Variants in PDE3A observed in about 807,000 individuals in gnomAD.
PDE3A encodes phosphodiesterase 3A, also known as cGMP-inhibited 3',5'-cyclic phosphodiesterase 3A.
PDE3A carries 43 observed loss-of-function variants against 98.3 expected under a neutral mutation model. That is an observed-to-expected ratio of 0.44 (90% CI 0.34 to 0.56). PDE3A has a LOEUF of 0.56. PDE3A is among the 20% of genes least tolerant of loss of function. The pLI, the probability that PDE3A is intolerant of heterozygous loss-of-function variation, is 0.01. For missense variants in PDE3A, 1,427 were observed against 1,440.7 expected, an observed-to-expected ratio of 0.99 and a Z score of 0.15; for synonymous variants, 663 against 567.9, an observed-to-expected ratio of 1.17 and a Z score of -2.38.
At chr12:20,629,336 T>G (rs559573581) in intron 5 of PDE3A, among the ~76,000 whole-genome samples, 1 of 152,166 alleles carries the variant, frequency 6.6e-6, no homozygotes, top group Admixed American at 6.5e-5. Flanking sequence ...TCTTCAAAAA[T>G]TATTTTGATC....
At chr12:20,497,861 A>G (rs7316700) in intron 1 of PDE3A, among the ~76,000 whole-genome samples, 42,390 of 151,892 alleles carry the variant, frequency 0.28, 6,889 homozygotes, top group East Asian at 0.55. Flanking sequence ...GTTCTGTTCA[A>G]TTGTGTTAGT....
chr12:20,472,144 T>A (rs1945450275), intron 1 of PDE3A, among the ~76,000 whole-genome samples: 1 of 152,130 alleles, frequency 6.6e-6, no homozygotes, highest in Non-Finnish European at 1.5e-5. Context: ...ATACAGTGGA[T>A]CAGAGTTGGG....
chr12:20,611,183 T>C (rs1410865253), intron 2 of PDE3A, among the ~76,000 whole-genome samples: 1 of 151,200 alleles, frequency 6.6e-6, no homozygotes, highest in Non-Finnish European at 1.5e-5. Flanking sequence ...ATTTTTAAAA[T>C]AAGTAAATAA....
At chr12:20,580,183 G>A (rs1349387788) in intron 2 of PDE3A, among the ~76,000 whole-genome samples, 1 of 152,088 alleles carries the variant, frequency 6.6e-6, no homozygotes, top group Non-Finnish European at 1.5e-5. Context: ...CACCTCTTAG[G>A]GGATTCTGTG....
intron 1 of PDE3A, among the ~76,000 whole-genome samples, chr12:20,476,558 T>C (rs960883922): frequency 6.6e-6 from 1 of 152,224 alleles, no homozygotes; most frequent in Non-Finnish European, 1.5e-5. Context: ...ATAGTTAGTG[T>C]GTCTTGATTA....
At chr12:20,385,560 C>T (rs567766913) in intron 1 of PDE3A, among the ~76,000 whole-genome samples, 50 of 151,890 alleles carry the variant, frequency 3.3e-4, no homozygotes, top group Admixed American at 1.1e-3. Flanking sequence ...CAATGATAGA[C>T]TGGATTAAGA....
At chr12:20,617,358 T>A (rs1405198495) in intron 4 of PDE3A, among the ~76,000 whole-genome samples, 2 of 152,172 alleles carry the variant, frequency 1.3e-5, no homozygotes, top group Admixed American at 1.3e-4. Context: ...TTCTAAGACA[T>A]CTATAGAATT....
At chr12:20,674,495 A>T (rs1287856593) in intron 15 of PDE3A, among the ~76,000 whole-genome samples, 1 of 152,158 alleles carries the variant, frequency 6.6e-6, no homozygotes, top group Admixed American at 6.6e-5. Context: ...TTTTATCATG[A>T]AGTGATGTTG....
At chr12:20,569,544 C>CTATT (rs1160102758) in intron 2 of PDE3A, among the ~76,000 whole-genome samples, 1 of 151,992 alleles carries the variant, frequency 6.6e-6, no homozygotes, top group Non-Finnish European at 1.5e-5. Context: ...AGGCATTACC[C>CTATT]TATTTAATAT....
intron 2 of PDE3A, among the ~76,000 whole-genome samples, chr12:20,592,846 G>C (rs927700103): frequency 1.3e-5 from 2 of 152,146 alleles, no homozygotes; most frequent in South Asian, 4.1e-4. Context: ...TTTTCAGACC[G>C]ATTAGAATAA....
At chr12:20,627,155 A>AC (rs1944282782) in intron 5 of PDE3A, among the ~76,000 whole-genome samples, 1 of 151,328 alleles carries the variant, frequency 6.6e-6, no homozygotes, top group African/African-American at 2.4e-5. Context: ...TAAAAAAAAA[A>AC]AAAAAAAAAC....
intron 14 of PDE3A, 124 bp downstream of exon 14, chr12:20,650,724 T>C (rs1412466525): frequency 5.9e-6 from 3 of 511,694 alleles, no homozygotes; most frequent in Admixed American, 7.2e-5. Context: ...TGTCAGAAAA[T>C]GCACTGGTCA....
intron 1 of PDE3A, among the ~76,000 whole-genome samples, chr12:20,490,728 C>G (rs1390914320): frequency 6.6e-6 from 1 of 152,188 alleles, no homozygotes; most frequent in Non-Finnish European, 1.5e-5. Flanking sequence ...TAATATTAAA[C>G]ATTTCTTTCT....
chr12:20,584,522 G>T (rs1442872678), intron 2 of PDE3A, among the ~76,000 whole-genome samples: 2 of 151,972 alleles, frequency 1.3e-5, no homozygotes, highest in Non-Finnish European at 2.9e-5. Flanking sequence ...TTTTCCTTGG[G>T]GGTTGGCAAC....
chr12:20,596,924 T>C (rs1005067729), intron 2 of PDE3A, among the ~76,000 whole-genome samples: 6 of 152,170 alleles, frequency 3.9e-5, no homozygotes, highest in African/African-American at 1.4e-4. Flanking sequence ...TTTCATATCA[T>C]TGAAGGTAAA....
At chr12:20,489,679 T>C (rs896957265) in intron 1 of PDE3A, among the ~76,000 whole-genome samples, 1 of 152,208 alleles carries the variant, frequency 6.6e-6, no homozygotes, top group African/African-American at 2.4e-5. Flanking sequence ...ATCCCCTTTT[T>C]TGCCTCACCT....
intron 1 of PDE3A, among the ~76,000 whole-genome samples, chr12:20,390,458 A>AAG (rs1943892727): frequency 3.2e-5 from 1 of 30,854 alleles, no homozygotes; most frequent in Non-Finnish European, 7.5e-5. Context: ...GTGATTTAAG[A>AAG]AAAAAAAAAA....
chr12:20,496,536 G>A (rs187633898), intron 1 of PDE3A, among the ~76,000 whole-genome samples: 5 of 135,040 alleles, frequency 3.7e-5, no homozygotes, highest in African/African-American at 8.2e-5. Context: ...CCGCCACCCC[G>A]CAACACCCCG....
intron 10 of PDE3A, among the ~76,000 whole-genome samples, chr12:20,642,731 T>A (rs2121514183): frequency 6.6e-6 from 1 of 152,258 alleles, no homozygotes; most frequent in Non-Finnish European, 1.5e-5. Context: ...TCAGTTCAAT[T>A]CAGCTGTACA....
Sources: allele counts gnomAD v4.1 joint callset (sites outside exome capture counted in the v4.1 genomes callset), GRCh38; gene constraint gnomAD v4.1.1; transcripts MANE v1.5; gene names NCBI Gene and HGNC (gene_info 2026-07-23, HGNC 2026-07-21).